Variants in TLE4 observed in about 807,000 individuals in gnomAD.
TLE4 encodes transducin-like enhancer protein 4.
In TLE4, 8 loss-of-function variants were observed where a neutral mutation model predicts 92.8. That is an observed-to-expected ratio of 0.09 (90% CI 0.05 to 0.16). The LOEUF (loss-of-function observed/expected upper bound fraction) is 0.16, where lower values mean the gene tolerates loss of function less well. Among genes scored for constraint, TLE4 ranks in the 10% least tolerant of loss-of-function variants. The probability of loss-of-function intolerance (pLI) is 1.00; values close to 1 mark genes in which losing one functional copy is unlikely to be tolerated. For synonymous variants in TLE4, 371 were observed against 374.1 expected (o/e 0.99, Z 0.10); for missense variants, 675 against 997.6 (o/e 0.68, Z 4.36).
chr9:79,612,568 T>G, intron 4 of TLE4, 88 bp from the exon 5 acceptor site: 1 of 1,177,562 alleles, frequency 8.5e-7, no homozygotes, highest in East Asian at 2.3e-5. Context: ...TTATAAAGTA[T>G]GTTTTAATAT....
chr9:79,638,005 A>G (rs1382181047), intron 6 of TLE4, among the ~76,000 whole-genome samples: 1 of 152,182 alleles, frequency 6.6e-6, no homozygotes, highest in Non-Finnish European at 1.5e-5. Context: ...TGTGGGGTGC[A>G]TGTAGACAAA....
chr9:79,655,071 G>A (rs2059584956), intron 8 of TLE4, among the ~76,000 whole-genome samples: 1 of 152,146 alleles, frequency 6.6e-6, no homozygotes, highest in Non-Finnish European at 1.5e-5. Context: ...GAATCTGGGA[G>A]GCAGAGGTTG....
intron 4 of TLE4, among the ~76,000 whole-genome samples, chr9:79,583,018 C>G (rs994731557): frequency 2.0e-5 from 3 of 152,020 alleles, no homozygotes; most frequent in Non-Finnish European, 4.4e-5. Flanking sequence ...GGAAGGGCCT[C>G]AGAAGTTTTA....
At chr9:79,642,535 G>GTA (rs1367749162) in intron 6 of TLE4, among the ~76,000 whole-genome samples, 1 of 151,860 alleles carries the variant, frequency 6.6e-6, no homozygotes, top group African/African-American at 2.4e-5. Flanking sequence ...AGAACCATTG[G>GTA]TATCAGTAAG....
chr9:79,607,605 C>G (rs1028375082), intron 4 of TLE4, among the ~76,000 whole-genome samples: 1 of 152,092 alleles, frequency 6.6e-6, no homozygotes, highest in Non-Finnish European at 1.5e-5. Flanking sequence ...ATCCAGTTTT[C>G]CCAGCACCAT....
chr9:79,585,680 T>C (rs942754670), intron 4 of TLE4, among the ~76,000 whole-genome samples: 4 of 152,202 alleles, frequency 2.6e-5, no homozygotes, highest in Non-Finnish European at 5.9e-5. Flanking sequence ...TTTTCAGTCT[T>C]AGAAAGTCTC....
Position 79,708,642 on chromosome 9 carries a change from A to G in TLE4, c.1119A>G (p.Pro373=), listed in dbSNP as rs2072368356. The change falls in exon 13 of 20, where the codon CCA becomes CCG. Residue 373 remains proline (P), a synonymous_variant. Transcript: ENST00000376552. ...CAGTACCTTGTCCATATCCAACTCC[A>G]TTTGGGATTGTGCCCCATGCTGGAA... is the stretch of plus-strand genomic sequence containing the variant. ...PMAVPCPYPT[P]FGIVPHAGMN... The G allele has an allele frequency of 6.2e-7, 1 of 1,614,038 alleles. No homozygotes were observed. Among genetic ancestry groups the G allele is most frequent in the Non-Finnish European group, 8.5e-7 (1 of 1,180,024 alleles).
intron 5 of TLE4, among the ~76,000 whole-genome samples, chr9:79,624,142 C>G (rs1432396123): frequency 7.2e-6 from 1 of 138,932 alleles, no homozygotes; most frequent in Non-Finnish European, 1.5e-5. Context: ...CTGTTTTTTT[C>G]TGAGTGAGAG....
intron 4 of TLE4, among the ~76,000 whole-genome samples, chr9:79,582,942 G>A (rs1196201390): frequency 6.6e-6 from 1 of 152,192 alleles, no homozygotes; most frequent in Non-Finnish European, 1.5e-5. Context: ...ATGACAGTTT[G>A]CAAGGCTTAG....
intron 8 of TLE4, chr9:79,693,499 G>A (rs568453963): frequency 6.4e-4 from 207 of 321,214 alleles, no homozygotes; most frequent in Admixed American, 2.4e-3. Context: ...GATCTTCTGC[G>A]TTTCAATTAC....
chr9:79,717,792 A>AG (rs1289677700), intron 14 of TLE4, among the ~76,000 whole-genome samples: 1 of 152,302 alleles, frequency 6.6e-6, no homozygotes, highest in East Asian at 1.9e-4. Context: ...GTGCCCAAGT[A>AG]GAGTAGCATC....
Position 79,573,700 on chromosome 9 carries a change from G to A in TLE4, c.57G>A (p.Gln19=). Residue 19 remains glutamine, a synonymous_variant, in exon 2 of 20, where the codon CAG becomes CAA. Coordinates refer to ENST00000376552, the MANE Select transcript of TLE4 (RefSeq NM_007005.6). ...YPQTRHPAPH[Q]PAQPFKFTIS... ...TTGTTGTTCTTCAGGCACCGCATCA[G>A]CCTGCTCAACCCTTTAAATTTACAA... 3 of 1,602,632 alleles carry A rather than the reference G, an allele frequency of 1.9e-6. No individual in the cohort carries two copies. Among genetic ancestry groups the A allele is most frequent in the Middle Eastern group, 1.7e-4 (1 of 6,010 alleles).
intron 8 of TLE4, among the ~76,000 whole-genome samples, chr9:79,694,436 A>G (rs2067760255): frequency 6.6e-6 from 1 of 152,122 alleles, no homozygotes; most frequent in Non-Finnish European, 1.5e-5. Context: ...CTGTTCTTCC[A>G]GTGTTTTTTG....
At chr9:79,718,595 C>T (rs964111332) in intron 14 of TLE4, 127 bp from the exon 15 acceptor site, 7 of 1,355,746 alleles carry the variant, frequency 5.2e-6, no homozygotes, top group African/African-American at 2.9e-5. Flanking sequence ...ACTGTATGGA[C>T]AAATTCGATT....
intron 5 of TLE4, among the ~76,000 whole-genome samples, chr9:79,624,503 C>T (rs2051955944): frequency 6.6e-6 from 1 of 152,164 alleles, no homozygotes; most frequent in South Asian, 2.1e-4. Flanking sequence ...AAGTAGAATT[C>T]TGAACTGCAG....
intron 5 of TLE4, among the ~76,000 whole-genome samples, chr9:79,626,306 T>G (rs1325020982): frequency 6.6e-6 from 1 of 152,204 alleles, no homozygotes; most frequent in African/African-American, 2.4e-5. Flanking sequence ...GTGTGGTAGT[T>G]GAGCTTCATA....
At chr9:79,693,984 T>C (rs1256047908) in intron 8 of TLE4, among the ~76,000 whole-genome samples, 4 of 152,214 alleles carry the variant, frequency 2.6e-5, no homozygotes, top group African/African-American at 9.6e-5. Flanking sequence ...TGATTAAATG[T>C]CACTGGGTAC....
intron 4 of TLE4, among the ~76,000 whole-genome samples, chr9:79,602,657 A>T (rs1482589503): frequency 6.6e-6 from 1 of 152,202 alleles, no homozygotes; most frequent in Non-Finnish European, 1.5e-5. Context: ...TTAATGGTGT[A>T]CCTAGTCACC....
intron 2 of TLE4, 100 bp from the exon 3 acceptor site, chr9:79,574,773 T>G: frequency 2.1e-6 from 2 of 971,430 alleles, no homozygotes; most frequent in Non-Finnish European, 3.2e-6. Flanking sequence ...TTTAAGATTG[T>G]TGATTTAGTT....
Sources: allele counts gnomAD v4.1 joint callset (sites outside exome capture counted in the v4.1 genomes callset), GRCh38; gene constraint gnomAD v4.1.1; transcripts MANE v1.5; gene names NCBI Gene and HGNC (gene_info 2026-07-23, HGNC 2026-07-21).